Variants in AGAP1 observed in about 807,000 individuals in gnomAD.
AGAP1 encodes ArfGAP with GTPase domain, ankyrin repeat and PH domain 1, also known as arf-GAP with GTPase, ANK repeat and PH domain-containing protein 1.
Under a neutral mutation model 105.3 loss-of-function variants are expected in AGAP1, and 29 were observed. That is an observed-to-expected ratio of 0.28 (90% confidence interval 0.21 to 0.38). The LOEUF (loss-of-function observed/expected upper bound fraction) is 0.38. AGAP1 is among the 10% of genes least tolerant of loss of function. AGAP1 has a pLI of 1.00. For missense variants in AGAP1, 998 were observed against 1,165.1 expected (o/e 0.86, Z 2.09); for synonymous variants, 509 against 485.9 (o/e 1.05, Z -0.63).
At chr2:235,857,639 T>G (rs1004000993) in intron 9 of AGAP1, among the ~76,000 whole-genome samples, 2 of 152,218 alleles carry the variant, frequency 1.3e-5, no homozygotes, top group Non-Finnish European at 2.9e-5. Context: ...TCTCCACATA[T>G]ACACCATAAC....
rs1476872047 is a variant in AGAP1, at chr2:235,733,806, T to C, written c.311-7157T>C. On this transcript the variant is annotated intron_variant, in intron 3 of 17. Coordinates refer to ENST00000304032, the MANE Select transcript of AGAP1 (RefSeq NM_001037131.3). The surrounding 1 kb of genome is among the most constrained non-coding windows in gnomAD (Gnocchi z 5.0). ...TCCTCACTCACTGCTGGTACCTTTG[T>C]GTAGTAGTTACTTTGTATTTTACAA... Among the ~76,000 whole-genome samples, 2 of 152,192 alleles carry C rather than the reference T, an allele frequency of 1.3e-5. No homozygotes were observed. Among genetic ancestry groups the C allele is most frequent in the Non-Finnish European group, 2.9e-5 (2 of 68,050 alleles).
rs192800015 is a variant in AGAP1 at position 235,769,997 on chromosome 2, A to T, written c.673+19509A>T. Among the ~76,000 whole-genome samples the T allele has an allele frequency of 2.0e-4, 31 of 152,346 alleles. No homozygotes were observed. The highest frequency in any genetic ancestry group is 6.5e-4 in the African/African-American group (27 of 41,574). On this transcript the variant is annotated intron_variant, in intron 6 of 17. Transcript: ENST00000304032. The surrounding 1 kb of genome is among the most constrained non-coding windows in gnomAD (Gnocchi z 4.4). ...CATATCTTCTGAATACACACATTTA[A>T]ACATGTTTTTGTGATTAAAATAACT...
chr2:235,583,484 GCATACTCAGCCT>G (rs960167549), intron 1 of AGAP1, among the ~76,000 whole-genome samples: 16 of 151,896 alleles, frequency 1.1e-4, no homozygotes, highest in Admixed American at 6.6e-4. Context: ...TAGGAAGAGA[GCATACTCAGCCT>G]CATACTCAGC....
At position 235,788,544 on chromosome 2, in the gene AGAP1, CGAG is replaced by C. The variant is rs1956786020; in HGVS notation, c.674-9211_674-9209del. Among the ~76,000 whole-genome samples, 2 of 148,042 alleles carry C rather than the reference CGAG, an allele frequency of 1.4e-5. No individual in the cohort carries two copies. The highest frequency in any genetic ancestry group is 4.4e-4 in the South Asian group (2 of 4,548). ...GAGAGGATTGGGAGGCAAGGTGGGG[CGAG>C]GAGAAGAGCGGGAGGGTAGGTGAGG... On this transcript the variant is annotated intron_variant, in intron 6 of 17. Transcript: ENST00000304032. The surrounding 1 kb of genome is among the most constrained non-coding windows in gnomAD (Gnocchi z 6.0).
chr2:235,952,863 A>T (rs991182249), intron 12 of AGAP1, among the ~76,000 whole-genome samples: 2 of 152,122 alleles, frequency 1.3e-5, no homozygotes, highest in African/African-American at 4.8e-5. Context: ...GTCACTGTGG[A>T]TAAATTACCA....
Position 235,891,430 on chromosome 2 carries a change from G to A in AGAP1, c.1155+7981G>A, listed in dbSNP as rs192007361. On this transcript the variant is annotated intron_variant, in intron 10 of 17. Coordinates refer to ENST00000304032, the MANE Select transcript of AGAP1 (RefSeq NM_001037131.3). This position sits in a 1 kb window ranked among gnomAD's most constrained non-coding sequence, Gnocchi z 4.2. The stretch of plus-strand genomic sequence containing the variant: ...TTTTCAGACACTTTGCTGGATCACA[G>A]TTCAGGTGGATCGAGGGCAGCCTGT... Among the ~76,000 whole-genome samples, 8 of 152,296 alleles carry A rather than the reference G, an allele frequency of 5.3e-5. No homozygotes were observed. The highest frequency in any genetic ancestry group is 2.6e-4 in the Admixed American group (4 of 15,296).
chr2:235,758,560 T>G (rs1954131328), intron 6 of AGAP1, among the ~76,000 whole-genome samples: 1 of 152,164 alleles, frequency 6.6e-6, no homozygotes, highest in African/African-American at 2.4e-5. Flanking sequence ...TAAGACTTCC[T>G]GGGACAGATG....
At chr2:235,708,914 G>C (rs879666571) in intron 1 of AGAP1, among the ~76,000 whole-genome samples, 1 of 152,208 alleles carries the variant, frequency 6.6e-6, no homozygotes, top group Non-Finnish European at 1.5e-5. Context: ...GGGAAAAATG[G>C]AAAGTTCGAT....
At chr2:236,103,892 G>A (rs777643314) in intron 16 of AGAP1, among the ~76,000 whole-genome samples, 29 of 152,250 alleles carry the variant, frequency 1.9e-4, no homozygotes, top group African/African-American at 6.3e-4. Flanking sequence ...TAGGCACCCC[G>A]CCATCCTGTC....
rs1016251794 is a variant in AGAP1, at chr2:236,055,644, C to T, written c.2114+6363C>T. 2.6e-5 allele frequency among the ~76,000 whole-genome samples: 4 copies of T among 152,270 alleles called. No individual in the cohort carries two copies. Among genetic ancestry groups the T allele is most frequent in the Non-Finnish European group, 5.9e-5 (4 of 68,052 alleles). On this transcript the variant is annotated intron_variant, in intron 16 of 17. Coordinates refer to ENST00000304032, the MANE Select transcript of AGAP1 (RefSeq NM_001037131.3). This position sits in a 1 kb window ranked among gnomAD's most constrained non-coding sequence, Gnocchi z 6.2. ...CAGGGACTGTGCCCTGCTCAAGCCA[C>T]GACAGTGGCAGCCTTCTCCGAGGAG...
rs1006515075 is a variant in AGAP1 at position 235,723,089 on chromosome 2, C to T, written c.310+5445C>T. On this transcript the variant is annotated intron_variant, in intron 3 of 17. Transcript: ENST00000304032. This position sits in a 1 kb window ranked among gnomAD's most constrained non-coding sequence, Gnocchi z 6.2. ...GTTCTGCCAGTGATGCTTTTGCAAG[C>T]TCTGCTGGTGTTCTAGAACCTCACA... Among the ~76,000 whole-genome samples the T allele has an allele frequency of 3.3e-5, 5 of 152,146 alleles. No individual in the cohort carries two copies. The highest frequency in any genetic ancestry group is 7.4e-5 in the Non-Finnish European group (5 of 68,022).
chr2:235,890,942 C>CAAAA (rs199864293), intron 10 of AGAP1, among the ~76,000 whole-genome samples: 37 of 117,680 alleles, frequency 3.1e-4, no homozygotes, highest in African/African-American at 1.2e-3. Context: ...AACTGAGGCT[C>CAAAA]AAAAAAAAAA....
rs961426024 is a variant in AGAP1, at chr2:235,620,572, A to G, written c.164-88607A>G. Among the ~76,000 whole-genome samples the G allele has an allele frequency of 6.6e-6, 1 of 152,016 alleles. No homozygotes were observed. Among genetic ancestry groups the G allele is most frequent in the African/African-American group, 2.4e-5 (1 of 41,384 alleles). ...ATCCTTCAGCCTCACCTCCAGTGTC[A>G]TTGAGGACCCTCCGTGGCACCTGGC... On this transcript the variant is annotated intron_variant, in intron 1 of 17. Transcript: ENST00000304032. This position sits in a 1 kb window ranked among gnomAD's most constrained non-coding sequence, Gnocchi z 4.5.
chr2:235,921,967 C>T (rs1057236883), intron 11 of AGAP1, among the ~76,000 whole-genome samples: 1 of 152,210 alleles, frequency 6.6e-6, no homozygotes, highest in Non-Finnish European at 1.5e-5. Context: ...GTTGTGAATT[C>T]TGTTCTTTTT....
intron 9 of AGAP1, among the ~76,000 whole-genome samples, chr2:235,858,061 A>G (rs1403328172): frequency 1.3e-5 from 2 of 152,204 alleles, no homozygotes; most frequent in Admixed American, 6.5e-5. Flanking sequence ...GAGAATGTGT[A>G]TCTTAATTGC....
At chr2:235,808,103 G>A (rs981583997) in intron 9 of AGAP1, among the ~76,000 whole-genome samples, 10 of 151,904 alleles carry the variant, frequency 6.6e-5, no homozygotes, top group Non-Finnish European at 1.5e-4. Flanking sequence ...TTTCCAAGGA[G>A]AATAAAAATA....
Position 235,908,993 on chromosome 2 carries a change from A to C in AGAP1, c.1324+87A>C. ...AGGATAATGTTGGACTCCTAGGTTAAGTGGAGACAGTAACTATCACATTAC... is the reference window on the plus strand; with the variant it reads ...AGGATAATGTTGGACTCCTAGGTTACGTGGAGACAGTAACTATCACATTAC... On this transcript the variant is annotated intron_variant, in intron 11 of 17. Transcript: ENST00000304032. The surrounding 1 kb of genome is among the most constrained non-coding windows in gnomAD (Gnocchi z 4.4). 8.0e-7 allele frequency: 1 copy of C among 1,243,782 alleles called. No homozygotes were observed. Among genetic ancestry groups the C allele is most frequent in the Non-Finnish European group, 1.1e-6 (1 of 883,790 alleles). The allele number at this position is 1,243,782 out of a possible 1,614,324, so 77.0% of individuals were successfully genotyped here. A position where few individuals can be genotyped will look rare whatever the true frequency, so the allele number is the denominator to read the frequency against.
rs562903726 is a variant in AGAP1 at position 235,966,521 on chromosome 2, A to G, written c.1484-1941A>G. Among the ~76,000 whole-genome samples, 8 of 152,256 alleles carry G rather than the reference A, an allele frequency of 5.3e-5. 1 individual carries two copies. The South Asian group carries it at 1.7e-3, about 32-fold the overall frequency. On this transcript the variant is annotated intron_variant, in intron 12 of 17. Coordinates refer to ENST00000304032, the MANE Select transcript of AGAP1 (RefSeq NM_001037131.3). ...CCTCTGCATCTAAGGATGTGCGTCCATAGGAAGCACCTCCTGCCTGGTAGA... is the reference window on the plus strand; with the variant it reads ...CCTCTGCATCTAAGGATGTGCGTCCGTAGGAAGCACCTCCTGCCTGGTAGA...
chr2:235,987,114 T>TATTTA (rs1391860707), intron 13 of AGAP1, among the ~76,000 whole-genome samples: 6 of 150,274 alleles, frequency 4.0e-5, no homozygotes, highest in Non-Finnish European at 8.9e-5. Flanking sequence ...TATTGTTATT[T>TATTTA]ATTTATTTAT....
Sources: allele counts gnomAD v4.1 joint callset (sites outside exome capture counted in the v4.1 genomes callset), GRCh38; gene constraint gnomAD v4.1.1; non-coding constraint Gnocchi (gnomAD v3.1); transcripts MANE v1.5; gene names NCBI Gene and HGNC (gene_info 2026-07-23, HGNC 2026-07-21).